CDCP1: variants seen among roughly 807,000 people sequenced by gnomAD.
The protein encoded by CDCP1 is CUB domain-containing protein 1.
A neutral mutation model predicts 60.2 loss-of-function variants in CDCP1; 29 were observed. That is an observed-to-expected ratio of 0.48 (90% CI 0.36 to 0.66). The LOEUF (loss-of-function observed/expected upper bound fraction) is 0.66. Among genes scored for constraint, CDCP1 ranks in the 30% least tolerant of loss-of-function variants. CDCP1 has a pLI of 0.00. For missense variants in CDCP1, 876 were observed against 1,074.3 expected (o/e 0.82, Z 2.58); for synonymous variants, 387 against 431.1 (o/e 0.90, Z 1.27).
intron 1 of CDCP1, among the ~76,000 whole-genome samples, chr3:45,124,721 TA>T (rs1333813257): frequency 1.3e-5 from 2 of 152,186 alleles, no homozygotes; most frequent in African/African-American, 4.8e-5. Context: ...GAGCATCAGA[TA>T]AGTCGTGATA....
chr3:45,108,441 C>T (rs1698609365), intron 4 of CDCP1, among the ~76,000 whole-genome samples: 1 of 152,108 alleles, frequency 6.6e-6, no homozygotes, highest in Non-Finnish European at 1.5e-5. Flanking sequence ...CTGTTTATAG[C>T]ACGTTTAACA....
chr3:45,129,647 C>G (rs1699054166), intron 1 of CDCP1, among the ~76,000 whole-genome samples: 1 of 152,096 alleles, frequency 6.6e-6, no homozygotes, highest in African/African-American at 2.4e-5. Context: ...TTAAAAAACC[C>G]ATCTGTATGT....
chr3:45,102,756 C>G (rs1289882455), intron 4 of CDCP1, among the ~76,000 whole-genome samples: 2 of 152,104 alleles, frequency 1.3e-5, no homozygotes, highest in African/African-American at 4.8e-5. Context: ...CGCCTCCTGG[C>G]CTCAAGCGAT....
chr3:45,108,949 A>ATGCATG (rs1559392740), intron 4 of CDCP1, among the ~76,000 whole-genome samples: 12 of 30,540 alleles, frequency 3.9e-4, no homozygotes, highest in East Asian at 3.5e-3. Context: ...ATATATATAT[A>ATGCATG]TATATTTTTT....
intron 4 of CDCP1, among the ~76,000 whole-genome samples, chr3:45,102,773 A>C (rs1359855719): frequency 6.6e-6 from 1 of 151,862 alleles, no homozygotes; most frequent in Non-Finnish European, 1.5e-5. Context: ...CGATTCTCCC[A>C]CCTCAGCCTC....
chr3:45,100,489 A>G (rs572178024), intron 4 of CDCP1, among the ~76,000 whole-genome samples: 12 of 152,218 alleles, frequency 7.9e-5, no homozygotes, highest in African/African-American at 1.2e-4. Flanking sequence ...CTTGCTGCCA[A>G]TTCTTGAGGC....
chr3:45,146,041 G>A (rs1357893917), intron 1 of CDCP1, among the ~76,000 whole-genome samples, 165 bp downstream of exon 1: 2 of 151,914 alleles, frequency 1.3e-5, no homozygotes, highest in Non-Finnish European at 2.9e-5. Flanking sequence ...GAACAGTCCG[G>A]GGGTCCCGGA....
At chr3:45,101,660 G>A (rs1021393731) in intron 4 of CDCP1, among the ~76,000 whole-genome samples, 1 of 152,172 alleles carries the variant, frequency 6.6e-6, no homozygotes, top group African/African-American at 2.4e-5. Flanking sequence ...GCCGAGGTGG[G>A]CAGATCACCT....
At chr3:45,121,640 G>A (rs1224140478) in intron 1 of CDCP1, among the ~76,000 whole-genome samples, 1 of 151,842 alleles carries the variant, frequency 6.6e-6, no homozygotes, top group Non-Finnish European at 1.5e-5. Flanking sequence ...ATCAGTGCTA[G>A]ACGCTAAGCA....
intron 8 of CDCP1, 106 bp from the exon 9 acceptor site, chr3:45,086,173 T>C (rs138657453): frequency 3.1e-6 from 3 of 961,354 alleles, no homozygotes; most frequent in East Asian, 2.4e-5. Flanking sequence ...GTTCTGACCA[T>C]GTCTCCCCCA....
intron 1 of CDCP1, among the ~76,000 whole-genome samples, chr3:45,126,246 CCTT>C (rs1366827668): frequency 1.4e-5 from 2 of 143,902 alleles, no homozygotes; most frequent in East Asian, 4.0e-4. Context: ...TTCCTTCCTT[CCTT>C]CTTCTCTCTC....
chr3:45,102,050 G>T (rs1698492362), intron 4 of CDCP1, among the ~76,000 whole-genome samples: 1 of 152,086 alleles, frequency 6.6e-6, no homozygotes. Context: ...ATTTAAATTT[G>T]CATTAGGTAA....
In CDCP1 at chr3:45,141,363, C is replaced by T. The variant is rs146175847; in HGVS notation, c.82+4843G>A. ...GATGTCTTATGCACTTTATGCTTAA[C>T]AGGATTGGTTAATTATACACAGGTA... On this transcript the variant is annotated intron_variant, in intron 1 of 8. Coordinates refer to ENST00000296129, the MANE Select transcript of CDCP1 (RefSeq NM_022842.5). 2.3e-3 allele frequency among the ~76,000 whole-genome samples: 350 copies of T among 152,322 alleles called. 1 individual carries two copies. Among genetic ancestry groups the T allele is most frequent in the African/African-American group, 7.8e-3 (324 of 41,568 alleles).
rs1279011913 is a variant in CDCP1 at position 45,146,281 on chromosome 3, C to T, written c.7G>A (p.Gly3Ser). 3 of 1,580,964 alleles carry T rather than the reference C, an allele frequency of 1.9e-6. No homozygotes were observed. In the South Asian group the frequency reaches 3.4e-5, roughly 18 times the overall value. The change falls in exon 1 of 9, where the codon GGC becomes AGC. Residue 3 changes from glycine (G) to serine (S), a missense_variant. Around this residue, in one of 2 missense-constraint regions of CDCP1, gnomAD observed 150 missense variants for 138.6 expected, o/e 1.08. Transcript: ENST00000296129. MA[G>S]LNCGVSIALL... ...GCGATAGAGACCCCGCAGTTCAGGC[C>T]GGCCATGACTCCGGGACGCCTCGGC...
chr3:45,103,650 A>G (rs1475904592), intron 4 of CDCP1, among the ~76,000 whole-genome samples: 4 of 152,224 alleles, frequency 2.6e-5, no homozygotes, highest in Non-Finnish European at 5.9e-5. Context: ...TCTTTCTCAC[A>G]AGACTGGGTT....
At chr3:45,128,048 A>G (rs545220917) in intron 1 of CDCP1, among the ~76,000 whole-genome samples, 14 of 152,226 alleles carry the variant, frequency 9.2e-5, no homozygotes, top group Non-Finnish European at 2.1e-4. Context: ...CTTGCCTGCC[A>G]TTCTGCCATT....
chr3:45,123,861 T>C (rs1293408640), intron 1 of CDCP1, among the ~76,000 whole-genome samples: 1 of 152,246 alleles, frequency 6.6e-6, no homozygotes, highest in East Asian at 1.9e-4. Flanking sequence ...CTCCAGATTC[T>C]GGTGTGACTT....
At chr3:45,108,779 ACATATATATGCATG>A (rs1257763388) in intron 4 of CDCP1, among the ~76,000 whole-genome samples, 7 of 67,590 alleles carry the variant, frequency 1.0e-4, no homozygotes, top group African/African-American at 2.5e-4. Context: ...ATGCATGTAT[ACATATATATGCATG>A]TATATATATA....
At chr3:45,115,898 A>G (rs1305230652) in intron 2 of CDCP1, among the ~76,000 whole-genome samples, 3 of 152,140 alleles carry the variant, frequency 2.0e-5, no homozygotes, top group Non-Finnish European at 4.4e-5. Context: ...TATTTTTCCT[A>G]TCAAGGAACA....
Sources: allele counts gnomAD v4.1 joint callset (sites outside exome capture counted in the v4.1 genomes callset), GRCh38; gene constraint gnomAD v4.1.1; regional missense constraint gnomAD v4.1.1; transcripts MANE v1.5; gene names NCBI Gene and HGNC (gene_info 2026-07-23, HGNC 2026-07-21).